The following WWOX variants were observed in gnomAD, a reference collection of about 807,000 sequenced individuals.
The protein encoded by WWOX is WW domain-containing oxidoreductase.
WWOX carries 69 observed loss-of-function variants against 46.2 expected under a neutral mutation model. The ratio of observed to expected loss-of-function variants is 1.49; its 90% CI spans 1.23 to 1.82. The LOEUF (loss-of-function observed/expected upper bound fraction) is 1.82. Among genes scored for constraint, WWOX ranks in the 40% most tolerant of loss-of-function variants. The pLI is 0.00. For missense variants in WWOX, 919 were observed against 542.6 expected (o/e 1.69, Z -6.89); for synonymous variants, 359 against 202.6 (o/e 1.77, Z -6.56).
At chr16:78,631,143 A>T (rs1054425025) in intron 8 of WWOX, among the ~76,000 whole-genome samples, 1 of 152,176 alleles carries the variant, frequency 6.6e-6, no homozygotes, top group African/African-American at 2.4e-5. Flanking sequence ...GGACTTGAGC[A>T]TTTGTGGATT....
intron 8 of WWOX, among the ~76,000 whole-genome samples, chr16:79,105,424 T>A (rs184405812): frequency 2.3e-4 from 35 of 152,168 alleles, no homozygotes; most frequent in Non-Finnish European, 4.6e-4. Flanking sequence ...CTATACACCT[T>A]CCCTTATCCC....
At chr16:78,990,321 G>A (rs2046861656) in intron 8 of WWOX, among the ~76,000 whole-genome samples, 1 of 152,072 alleles carries the variant, frequency 6.6e-6, no homozygotes, top group African/African-American at 2.4e-5. Flanking sequence ...TCTAAGTCAT[G>A]GGCTCTGCAA....
chr16:78,945,088 G>C (rs1394188127), intron 8 of WWOX, among the ~76,000 whole-genome samples: 2 of 152,176 alleles, frequency 1.3e-5, no homozygotes, highest in Non-Finnish European at 2.9e-5. Context: ...GCTGAGGTAA[G>C]GGGATTGCTG....
chr16:78,807,335 C>G (rs1329686792), intron 8 of WWOX, among the ~76,000 whole-genome samples: 1 of 152,194 alleles, frequency 6.6e-6, no homozygotes, highest in Non-Finnish European at 1.5e-5. Context: ...GCCAGTGACA[C>G]CCAGTGAATC....
intron 8 of WWOX, among the ~76,000 whole-genome samples, chr16:79,115,243 C>G (rs747979140): frequency 6.6e-6 from 1 of 152,184 alleles, no homozygotes; most frequent in African/African-American, 2.4e-5. Context: ...CTCTAACAAT[C>G]AATGGAAACA....
chr16:78,194,559 G>C (rs1304909929), intron 5 of WWOX, among the ~76,000 whole-genome samples: 1 of 147,554 alleles, frequency 6.8e-6, no homozygotes, highest in African/African-American at 2.5e-5. Flanking sequence ...CTGCACTCCA[G>C]GCTGGGCGAC....
intron 8 of WWOX, among the ~76,000 whole-genome samples, chr16:78,801,425 C>G (rs1453868982): frequency 6.6e-6 from 1 of 152,160 alleles, no homozygotes; most frequent in East Asian, 1.9e-4. Context: ...AGGAAGGTCA[C>G]TTGAACCCAG....
chr16:78,599,174 A>G (rs756793962), intron 8 of WWOX, among the ~76,000 whole-genome samples: 4 of 152,172 alleles, frequency 2.6e-5, no homozygotes, highest in African/African-American at 7.2e-5. Context: ...CAGTCCCGGG[A>G]TCAAGACAGA....
rs1173413313 is a variant in WWOX, at chr16:79,080,956, TTAGA to T, written c.1057-130648_1057-130645del. 2.0e-5 allele frequency among the ~76,000 whole-genome samples: 3 copies of T among 152,144 alleles called. No individual in the cohort carries two copies. The East Asian group carries it at 5.8e-4, about 29-fold the overall frequency. On this transcript the variant is annotated intron_variant, in intron 8 of 8. Transcript: ENST00000566780. ...TGGCAAGTGAATTCTTCTAGTGTAGTTAGATAGTGATGAAAAGATTTTTATACCT... is the reference window on the plus strand; with the variant it reads ...TGGCAAGTGAATTCTTCTAGTGTAGTTAGTGATGAAAAGATTTTTATACCT...
intron 8 of WWOX, among the ~76,000 whole-genome samples, chr16:78,641,105 G>C (rs995300831): frequency 3.9e-5 from 6 of 152,120 alleles, no homozygotes; most frequent in Admixed American, 6.5e-5. Context: ...TGGGAGAGAA[G>C]CAGGCTGTGG....
At chr16:79,181,091 C>G (rs2050902371) in intron 8 of WWOX, among the ~76,000 whole-genome samples, 2 of 152,160 alleles carry the variant, frequency 1.3e-5, no homozygotes, top group Non-Finnish European at 2.9e-5. Context: ...GTAATTTATG[C>G]TCTACCTCTT....
intron 8 of WWOX, among the ~76,000 whole-genome samples, chr16:78,569,850 C>G (rs1257775784): frequency 6.6e-6 from 1 of 152,126 alleles, no homozygotes; most frequent in Non-Finnish European, 1.5e-5. Context: ...ATGATGTGAC[C>G]TCATCGACAG....
At chr16:78,239,569 T>C (rs2037561585) in intron 5 of WWOX, among the ~76,000 whole-genome samples, 1 of 152,120 alleles carries the variant, frequency 6.6e-6, no homozygotes, top group African/African-American at 2.4e-5. Flanking sequence ...GGGTCTCGCT[T>C]TGTCATACAG....
intron 8 of WWOX, among the ~76,000 whole-genome samples, chr16:78,575,524 C>G (rs796773342): frequency 2.6e-5 from 4 of 152,026 alleles, no homozygotes; most frequent in Non-Finnish European, 5.9e-5. Flanking sequence ...TTCACCCCAT[C>G]CTAAGATCTT....
intron 8 of WWOX, among the ~76,000 whole-genome samples, chr16:78,726,671 C>T (rs951541618): frequency 6.6e-6 from 1 of 151,558 alleles, no homozygotes; most frequent in African/African-American, 2.4e-5. Flanking sequence ...TTTATTAGGG[C>T]TTTATGTAAA....
chr16:79,021,340 T>G (rs2047529044), intron 8 of WWOX, among the ~76,000 whole-genome samples: 1 of 152,194 alleles, frequency 6.6e-6, no homozygotes, highest in Non-Finnish European at 1.5e-5. Flanking sequence ...AGAAACTCGC[T>G]TTCTTTGGGA....
intron 8 of WWOX, among the ~76,000 whole-genome samples, chr16:78,790,420 C>T (rs924717832): frequency 6.6e-6 from 1 of 152,122 alleles, no homozygotes; most frequent in Non-Finnish European, 1.5e-5. Context: ...CAGGTGTGAG[C>T]CACCGTGCCC....
At chr16:78,281,886 A>T (rs10438625) in intron 5 of WWOX, among the ~76,000 whole-genome samples, 33,309 of 152,114 alleles carry the variant, frequency 0.22, 3,898 homozygotes, top group East Asian at 0.46. Context: ...TCTTTATTTA[A>T]TCCCTTAGTT....
chr16:79,022,027 A>T (rs951488636), intron 8 of WWOX, among the ~76,000 whole-genome samples: 1 of 152,210 alleles, frequency 6.6e-6, no homozygotes, highest in African/African-American at 2.4e-5. Flanking sequence ...ACCAGCTTTG[A>T]CACATGAATA....
Sources: gnomAD v4.1 joint callset for allele counts (sites outside exome capture counted in the v4.1 genomes callset) on GRCh38, gnomAD v4.1.1 for gene constraint, MANE v1.5 for transcripts, NCBI Gene and HGNC (gene_info 2026-07-23, HGNC 2026-07-21) for gene names.